EMC2: variants seen among roughly 807,000 people sequenced by gnomAD.
EMC2 encodes the protein TPR repeat protein 35.
EMC2 carries 37 observed loss-of-function variants against 51.6 expected under a neutral mutation model. The observed-to-expected ratio is 0.72, with a 90% CI of 0.55 to 0.94. The LOEUF is 0.94. EMC2 is among the 40% of genes least tolerant of loss of function. The pLI is 0.00. For missense variants in EMC2, 359 were observed against 350.9 expected (o/e 1.02, Z -0.18); for synonymous variants, 131 against 112.4 (o/e 1.17, Z -1.04).
chr8:108,477,070 A>C (rs1271062497), intron 9 of EMC2, among the ~76,000 whole-genome samples, 178 bp downstream of exon 9: 1 of 151,982 alleles, frequency 6.6e-6, no homozygotes, highest in Admixed American at 6.6e-5. Context: ...ATGTTAACAC[A>C]GCCTAGCTGT....
intron 10 of EMC2, among the ~76,000 whole-genome samples, chr8:108,479,366 C>T (rs1811006070): frequency 1.3e-5 from 2 of 152,056 alleles, no homozygotes; most frequent in South Asian, 4.2e-4. Context: ...TTGGCAAACG[C>T]AAAGTAATTC....
chr8:108,481,833 A>G lies in EMC2; in HGVS notation c.807+2723A>G, dbSNP rs1180060826. 3.9e-5 allele frequency among the ~76,000 whole-genome samples: 6 copies of G among 152,206 alleles called. No homozygotes were observed. In the East Asian group the frequency reaches 1.2e-3, roughly 29 times the overall value. On this transcript the variant is annotated intron_variant, in intron 10 of 10. Transcript: ENST00000220853. ...ATTCATTTTTGTCTTGCATATTTCT[A>G]TCATTATTCAGTTTATGGGATTTAT...
intron 8 of EMC2, 76 bp from the exon 9 acceptor site, chr8:108,476,706 C>T: frequency 1.4e-6 from 1 of 704,834 alleles, no homozygotes; most frequent in Non-Finnish European, 2.6e-6. Context: ...TACTGAATGC[C>T]TATGGTATGA....
rs747557199 is a variant in EMC2, at chr8:108,443,624, G to A, written c.-35G>A. The A allele has an allele frequency of 1.3e-6, 2 of 1,594,190 alleles. No individual in the cohort carries two copies. The highest frequency in any genetic ancestry group is 1.7e-6 in the Non-Finnish European group (2 of 1,169,394). ...GCGGGTCACGTGACTGCGTCTCCCC[G>A]CCCTCTCACCCCGCTGCCTCTAGGT... is the stretch of plus-strand genomic sequence containing the variant. On this transcript the variant is annotated 5_prime_UTR_variant, in exon 1 of 11. Transcript: ENST00000220853.
intron 10 of EMC2, among the ~76,000 whole-genome samples, chr8:108,481,228 T>A (rs560045005): frequency 6.6e-6 from 1 of 152,196 alleles, no homozygotes; most frequent in South Asian, 2.1e-4. Flanking sequence ...TTGGAGAAAA[T>A]TGAGAAGATT....
intron 9 of EMC2, among the ~76,000 whole-genome samples, chr8:108,478,602 A>G (rs1455875757): frequency 1.3e-5 from 2 of 151,982 alleles, no homozygotes; most frequent in East Asian, 3.9e-4. Context: ...CAATAATTCT[A>G]TGATTCTGAC....
intron 5 of EMC2, among the ~76,000 whole-genome samples, chr8:108,465,740 T>A (rs1246758735): frequency 6.6e-6 from 1 of 152,218 alleles, no homozygotes; most frequent in Non-Finnish European, 1.5e-5. Flanking sequence ...TTCTAAACTT[T>A]GTGAGGTCAA....
At chr8:108,459,155 A>G (rs1043633561) in intron 5 of EMC2, among the ~76,000 whole-genome samples, 1 of 152,204 alleles carries the variant, frequency 6.6e-6, no homozygotes, top group Non-Finnish European at 1.5e-5. Context: ...CATTGTCCGT[A>G]TCATTAGCAT....
At chr8:108,450,400 GT>G (rs1563690864) in intron 2 of EMC2, 27 bp from the exon 3 acceptor site, 8 of 1,417,800 alleles carry the variant, frequency 5.6e-6, no homozygotes, top group South Asian at 1.2e-5. Flanking sequence ...ATTAAATTCA[GT>G]TTTTTTCCCC....
chr8:108,471,980 G>C (rs946095135), intron 7 of EMC2, among the ~76,000 whole-genome samples: 1 of 151,842 alleles, frequency 6.6e-6, no homozygotes, highest in Non-Finnish European at 1.5e-5. Context: ...GGTGAAATTG[G>C]TTCTACCTTT....
At chr8:108,449,705 G>A (rs1818969281) in intron 1 of EMC2, 118 bp from the exon 2 acceptor site, 1 of 553,066 alleles carries the variant, frequency 1.8e-6, no homozygotes, top group Non-Finnish European at 3.3e-6. Context: ...ACATGATTGT[G>A]AGTTTATTTT....
intron 7 of EMC2, 50 bp from the exon 8 acceptor site, chr8:108,475,832 T>A: frequency 7.6e-6 from 8 of 1,050,970 alleles, no homozygotes; most frequent in Non-Finnish European, 1.2e-5. Flanking sequence ...TTAACTAAGA[T>A]AAAAATTTGT....
At chr8:108,456,503 A>G (rs1169054389) in intron 5 of EMC2, among the ~76,000 whole-genome samples, 2 of 151,672 alleles carry the variant, frequency 1.3e-5, no homozygotes, top group Admixed American at 1.3e-4. Flanking sequence ...TGTCTTAATG[A>G]AAAAAAAGCC....
At chr8:108,460,934 G>A (rs1819304454) in intron 5 of EMC2, among the ~76,000 whole-genome samples, 1 of 152,172 alleles carries the variant, frequency 6.6e-6, no homozygotes, top group Non-Finnish European at 1.5e-5. Context: ...CCATCAAAGA[G>A]TTGCTCTTAG....
In EMC2 at chr8:108,488,134, A is replaced by C. The variant is rs1490486616; in HGVS notation, c.*1536A>C. 1.3e-5 allele frequency among the ~76,000 whole-genome samples: 2 copies of C among 150,876 alleles called. No homozygotes were observed. The highest frequency in any genetic ancestry group is 4.9e-5 in the African/African-American group (2 of 41,058). ...ATTATATTTGTGTAATAAGTAATTC[A>C]GTGCCTCTTATAGCTGTCTGCCTTA... On this transcript the variant is annotated 3_prime_UTR_variant, in exon 11 of 11. Transcript: ENST00000220853.
chr8:108,478,309 C>A (rs1810983215), intron 9 of EMC2, among the ~76,000 whole-genome samples: 1 of 151,836 alleles, frequency 6.6e-6, no homozygotes, highest in African/African-American at 2.4e-5. Context: ...TTTATGGATT[C>A]TTTCACAGAT....
At chr8:108,462,764 T>A (rs1294625193) in intron 5 of EMC2, among the ~76,000 whole-genome samples, 1 of 150,940 alleles carries the variant, frequency 6.6e-6, no homozygotes, top group African/African-American at 2.4e-5. Context: ...TGAGAAGGAG[T>A]CTCGCTCTGT....
intron 5 of EMC2, among the ~76,000 whole-genome samples, chr8:108,465,285 TC>T (rs1298166225): frequency 6.6e-6 from 1 of 152,174 alleles, no homozygotes; most frequent in Admixed American, 6.5e-5. Context: ...GCATGACTCT[TC>T]CAATTCTAGT....
intron 5 of EMC2, among the ~76,000 whole-genome samples, chr8:108,459,756 TTGTTTTG>T (rs1331123741): frequency 1.5e-5 from 2 of 137,834 alleles, no homozygotes; most frequent in African/African-American, 6.0e-5. Context: ...GTGTGTGTGA[TTGTTTTG>T]TTCTAGATAG....
Sources: allele counts gnomAD v4.1 joint callset (sites outside exome capture counted in the v4.1 genomes callset), GRCh38; gene constraint gnomAD v4.1.1; transcripts MANE v1.5; gene names NCBI Gene and HGNC (gene_info 2026-07-23, HGNC 2026-07-21).